RHCG: variants seen among roughly 807,000 people sequenced by gnomAD.
RHCG encodes ammonium transporter Rh type C.
RHCG carries 39 observed loss-of-function variants against 55.3 expected under a neutral mutation model. That is an observed-to-expected ratio of 0.70 (90% CI 0.55 to 0.92). RHCG has a LOEUF of 0.92. RHCG is among the 40% of genes least tolerant of loss of function. RHCG has a pLI of 0.00. For missense variants in RHCG, 635 were observed against 627.9 expected (o/e 1.01, Z -0.12); for synonymous variants, 250 against 246.8 (o/e 1.01, Z -0.12).
chr15:89,487,159 G>C (rs569524441), intron 1 of RHCG, among the ~76,000 whole-genome samples, 174 bp from the exon 2 acceptor site: 1 of 152,158 alleles, frequency 6.6e-6, no homozygotes, highest in Admixed American at 6.5e-5. Flanking sequence ...TGAACCCTGG[G>C]GCTGGGCAAG....
intron 3 of RHCG, 120 bp from the exon 4 acceptor site, chr15:89,480,528 G>C: frequency 1.7e-6 from 2 of 1,189,690 alleles, no homozygotes; most frequent in Non-Finnish European, 2.4e-6. Flanking sequence ...TCTTCAGGGT[G>C]CAGGATGGAG....
chr15:89,487,756 G>A (rs1187827331), intron 1 of RHCG, among the ~76,000 whole-genome samples: 3 of 152,228 alleles, frequency 2.0e-5, no homozygotes, highest in Non-Finnish European at 4.4e-5. Flanking sequence ...AAACACACAT[G>A]TGTATGTAAA....
chr15:89,488,605 C>G (rs1349936372), intron 1 of RHCG, among the ~76,000 whole-genome samples: 1 of 152,084 alleles, frequency 6.6e-6, no homozygotes, highest in Non-Finnish European at 1.5e-5. Context: ...AAACATCAGA[C>G]AAACACAAAA....
rs28610508 is a variant in RHCG, at chr15:89,494,050, C to T, written c.184+2311G>A. On this transcript the variant is annotated intron_variant, in intron 1 of 10. Transcript: ENST00000268122. ...ACTAGCAGGGGAAACTCAAGGCCCT[C>T]CTTGATGCTGGGGCTCTCCCCCTGT... is the stretch of plus-strand genomic sequence containing the variant. 8.5e-3 allele frequency among the ~76,000 whole-genome samples: 1,295 copies of T among 151,490 alleles called. 18 individuals carry two copies. The highest frequency in any genetic ancestry group is 0.029 in the African/African-American group (1,213 of 41,482).
At chr15:89,475,184 GCCTGCCTTCCTTCCTTCTTT>G (rs1216362206) in intron 9 of RHCG, among the ~76,000 whole-genome samples, 3 of 141,684 alleles carry the variant, frequency 2.1e-5, no homozygotes, top group African/African-American at 7.7e-5. Flanking sequence ...CTTCCTGCCT[GCCTGCCTTCCTTCCTTCTTT>G]CCTTCCTTCC....
intron 2 of RHCG, among the ~76,000 whole-genome samples, chr15:89,485,382 A>G (rs1961341466): frequency 6.6e-6 from 1 of 152,202 alleles, no homozygotes; most frequent in African/African-American, 2.4e-5. Context: ...ACTGGTTCCA[A>G]CACATATCCA....
At chr15:89,484,891 C>T (rs1468427267) in intron 2 of RHCG, among the ~76,000 whole-genome samples, 1 of 151,928 alleles carries the variant, frequency 6.6e-6, no homozygotes, top group East Asian at 1.9e-4. Context: ...GCCGAGGAAG[C>T]TTGGGCAGGG....
At position 89,484,775 on chromosome 15, in the gene RHCG, G is replaced by T. The variant is rs566338693; in HGVS notation, c.372-1558C>A. Among the ~76,000 whole-genome samples, 328 of 104,316 alleles carry T rather than the reference G, an allele frequency of 3.1e-3. 1 individual carries two copies. The highest frequency in any genetic ancestry group is 0.014 in the African/African-American group (310 of 22,700). The allele number at this position is 104,316 out of a possible 152,430, so 68.4% of individuals were successfully genotyped here. ...AGCCTGGGTGATAGAGCAAAACTCA[G>T]TCTCAAAAAAAAAAAAAAAAAAAAT... is the stretch of plus-strand genomic sequence containing the variant. On this transcript the variant is annotated intron_variant, in intron 2 of 10. Coordinates refer to ENST00000268122, the MANE Select transcript of RHCG (RefSeq NM_016321.3).
intron 3 of RHCG, among the ~76,000 whole-genome samples, chr15:89,482,411 T>G (rs372965159): frequency 6.6e-6 from 1 of 152,166 alleles, no homozygotes; most frequent in South Asian, 2.1e-4. Flanking sequence ...TAGGGTGACC[T>G]AAATCACTCC....
At chr15:89,473,940 G>A (rs565114332) in intron 9 of RHCG, among the ~76,000 whole-genome samples, 174 of 152,306 alleles carry the variant, frequency 1.1e-3, no homozygotes, top group Non-Finnish European at 2.0e-3. Flanking sequence ...GATTTATTTC[G>A]TTAGCGTAAA....
chr15:89,488,968 G>A (rs940276980), intron 1 of RHCG, among the ~76,000 whole-genome samples: 1 of 152,186 alleles, frequency 6.6e-6, no homozygotes, highest in African/African-American at 2.4e-5. Flanking sequence ...GTTAAGGGTA[G>A]AGGGCCATGA....
chr15:89,472,251 G>A (rs951864876), intron 10 of RHCG, among the ~76,000 whole-genome samples: 3 of 152,202 alleles, frequency 2.0e-5, no homozygotes, highest in Non-Finnish European at 4.4e-5. Context: ...ATGAGCAAGG[G>A]CTTGGTGCAT....
intron 5 of RHCG, 111 bp downstream of exon 5, chr15:89,479,211 C>T: frequency 8.8e-7 from 1 of 1,132,146 alleles, no homozygotes; most frequent in East Asian, 2.6e-5. Context: ...CCCCCAACCT[C>T]ATCTGCAAGA....
chr15:89,486,597 AGAGT>A (rs1313583188), intron 2 of RHCG, 198 bp downstream of exon 2: 115 of 327,208 alleles, frequency 3.5e-4, no homozygotes, highest in African/African-American at 1.1e-3. Context: ...AGAGAGAGAG[AGAGT>A]GTGTGTGTGT....
chr15:89,472,950 T>G, intron 9 of RHCG, 87 bp from the exon 10 acceptor site: 1 of 1,363,686 alleles, frequency 7.3e-7, no homozygotes, highest in Non-Finnish European at 9.6e-7. Flanking sequence ...CTGCAAATGG[T>G]GTGTGGCGAG....
chr15:89,494,204 A>G (rs1961525935), intron 1 of RHCG, among the ~76,000 whole-genome samples: 1 of 151,244 alleles, frequency 6.6e-6, no homozygotes, highest in Admixed American at 6.6e-5. Flanking sequence ...CTCACCATCC[A>G]CCACTTCCCA....
At chr15:89,479,903 A>G (rs1159659564) in intron 4 of RHCG, among the ~76,000 whole-genome samples, 2 of 152,218 alleles carry the variant, frequency 1.3e-5, no homozygotes, top group African/African-American at 4.8e-5. Context: ...GAATGAATGG[A>G]CACAGGAAGT....
chr15:89,474,784 G>T (rs1213149581), intron 9 of RHCG, among the ~76,000 whole-genome samples: 32 of 115,798 alleles, frequency 2.8e-4, no homozygotes, highest in African/African-American at 6.9e-4. Flanking sequence ...CTTCCTGCCT[G>T]CCTTCCTTCC....
chr15:89,488,705 A>G (rs1459473498), intron 1 of RHCG, among the ~76,000 whole-genome samples: 2 of 151,134 alleles, frequency 1.3e-5, no homozygotes, highest in African/African-American at 4.9e-5. Flanking sequence ...ATTAAAAGAC[A>G]TGACAAAAGG....
Sources: gnomAD v4.1 joint callset for allele counts (sites outside exome capture counted in the v4.1 genomes callset) on GRCh38, gnomAD v4.1.1 for gene constraint, MANE v1.5 for transcripts, NCBI Gene and HGNC (gene_info 2026-07-23, HGNC 2026-07-21) for gene names.